The following PRDM11 variants were observed in gnomAD, a reference collection of about 807,000 sequenced individuals.
The protein encoded by PRDM11 is PR domain-containing protein 11.
A neutral mutation model predicts 97.8 loss-of-function variants in PRDM11; 20 were observed. The ratio of observed to expected loss-of-function variants is 0.20; its 90% CI spans 0.14 to 0.30. The LOEUF is 0.30. Ranked by LOEUF, PRDM11 falls within the 10% of genes least tolerant of loss-of-function variation. The pLI is 1.00. For synonymous variants in PRDM11, 599 were observed against 637.7 expected, an observed-to-expected ratio of 0.94 and a Z score of 0.91; for missense variants, 1,139 against 1,555.2, an observed-to-expected ratio of 0.73 and a Z score of 4.50.
intron 1 of PRDM11, chr11:45,147,693 ATGCTGGTGAAAAAT>A (rs778799998): frequency 2.6e-5 from 4 of 152,254 alleles, no homozygotes; most frequent in African/African-American, 4.8e-5. Flanking sequence ...GTCTTGGGCG[ATGCTGGTGAAAAAT>A]TGCTGGTGTG....
chr11:45,219,462 T>A lies in PRDM11; in HGVS notation c.555-108T>A. On this transcript the variant is annotated intron_variant, in intron 5 of 7. Coordinates refer to ENST00000683152, the MANE Select transcript of PRDM11 (RefSeq NM_001384648.1). This position sits in a 1 kb window ranked among gnomAD's most constrained non-coding sequence, Gnocchi z 4.2. ...CTGCTGATGTTCACATGGGCCCACG[T>A]GCCTGTGGACTTCTAACCATCCACA... The A allele has an allele frequency of 9.0e-7, 1 of 1,109,254 alleles. No homozygotes were observed. Among genetic ancestry groups the A allele is most frequent in the Non-Finnish European group, 1.3e-6 (1 of 778,520 alleles). The allele number at this position is 1,109,254 out of a possible 1,614,324, so 68.7% of individuals were successfully genotyped here.
intron 4 of PRDM11, among the ~76,000 whole-genome samples, chr11:45,204,174 G>A (rs1407937332): frequency 6.6e-6 from 1 of 152,208 alleles, no homozygotes; most frequent in African/African-American, 2.4e-5. Flanking sequence ...TCTGATTAAA[G>A]AGTGATGATG....
chr11:45,141,214 G>A (rs1221488098), intron 1 of PRDM11, among the ~76,000 whole-genome samples: 2 of 152,190 alleles, frequency 1.3e-5, no homozygotes, highest in Admixed American at 6.5e-5. Flanking sequence ...TGGTTTTAAT[G>A]TTGCAAGCAA....
chr11:45,222,319 C>T (rs1427011334), intron 6 of PRDM11, among the ~76,000 whole-genome samples: 1 of 152,148 alleles, frequency 6.6e-6, no homozygotes, highest in East Asian at 1.9e-4. Flanking sequence ...GAAATTTGAA[C>T]AACGTTGTTT....
intron 1 of PRDM11, among the ~76,000 whole-genome samples, chr11:45,128,517 G>A (rs899719745): frequency 2.5e-5 from 1 of 40,326 alleles, no homozygotes; most frequent in South Asian, 8.6e-4. Context: ...CCCTCCCCCC[G>A]CTGATATCAT....
chr11:45,102,476 G>A (rs758427021), intron 1 of PRDM11, among the ~76,000 whole-genome samples: 1 of 152,182 alleles, frequency 6.6e-6, no homozygotes, highest in Non-Finnish European at 1.5e-5. Context: ...ATGAGGGGAA[G>A]CACCCCAGCT....
chr11:45,224,560 G>A lies in PRDM11; in HGVS notation c.1086G>A (p.Glu362=), dbSNP rs776605907. The A allele has an allele frequency of 6.8e-6, 11 of 1,613,988 alleles. No homozygotes were observed. The South Asian group carries it at 9.9e-5, about 14-fold the overall frequency. ...AGAATATAGGCCAGACCCAGGGGGA[G>A]GGGGACTGGAAGGTCCCCCAGGGGG... ...GVQNIGQTQG[E]GDWKVPQGVS... Residue 362 remains glutamate (E), a synonymous_variant, in exon 7 of 8, where the codon GAG becomes GAA. Coordinates refer to ENST00000683152, the MANE Select transcript of PRDM11 (RefSeq NM_001384648.1).
rs575849510 is a variant in PRDM11, at chr11:45,177,965, G to A, written c.-6-3796G>A. The stretch of plus-strand genomic sequence containing the variant: ...TGCAAATCTTTTGTGTGGTGAAGGT[G>A]GGATGTGAGAGATAGGACATAAATG... On this transcript the variant is annotated intron_variant, in intron 1 of 7. Coordinates refer to ENST00000683152, the MANE Select transcript of PRDM11 (RefSeq NM_001384648.1). Among the ~76,000 whole-genome samples the A allele has an allele frequency of 8.5e-5, 13 of 152,210 alleles. No individual in the cohort carries two copies. In the South Asian group the frequency reaches 2.3e-3, roughly 27 times the overall value.
At chr11:45,119,815 G>A (rs1852390611) in intron 1 of PRDM11, among the ~76,000 whole-genome samples, 1 of 151,996 alleles carries the variant, frequency 6.6e-6, no homozygotes, top group Admixed American at 6.6e-5. Flanking sequence ...AGCCTCTATG[G>A]TCCTTCTATG....
At chr11:45,136,858 G>T (rs1406720798) in intron 1 of PRDM11, among the ~76,000 whole-genome samples, 1 of 151,978 alleles carries the variant, frequency 6.6e-6, no homozygotes, top group Non-Finnish European at 1.5e-5. Context: ...AAAAACAGAT[G>T]GGGGCCGGGC....
intron 4 of PRDM11, among the ~76,000 whole-genome samples, chr11:45,201,563 G>C (rs1440645411): frequency 6.6e-6 from 1 of 151,946 alleles, no homozygotes; most frequent in Non-Finnish European, 1.5e-5. Flanking sequence ...GCACAATCAT[G>C]GGTTACTGCA....
At position 45,098,039 on chromosome 11, in the gene PRDM11, C is replaced by T. The variant is rs141852385; in HGVS notation, c.96+2138C>T. Among the ~76,000 whole-genome samples the T allele has an allele frequency of 2.9e-3, 439 of 152,354 alleles. 1 individual carries two copies. The highest frequency in any genetic ancestry group is 0.01 in the African/African-American group (417 of 41,578). Reference sequence around the variant, plus strand: ...AGCAAATCCCTTCACTCCCCAACTACCATCTCAGAAGGAGGAATTAGTCAC... The same window carrying T: ...AGCAAATCCCTTCACTCCCCAACTATCATCTCAGAAGGAGGAATTAGTCAC... On this transcript the variant is annotated intron_variant, in intron 1 of 6. Transcript: ENST00000530656.
At chr11:45,121,441 A>C (rs1039096358) in intron 1 of PRDM11, among the ~76,000 whole-genome samples, 2 of 152,188 alleles carry the variant, frequency 1.3e-5, no homozygotes, top group Non-Finnish European at 2.9e-5. Flanking sequence ...CAAATATGCA[A>C]AGCAAAAGTA....
rs905376664 is a variant in PRDM11, at chr11:45,182,464, G to T, written c.223+115G>T. 6 of 953,656 alleles carry T rather than the reference G, an allele frequency of 6.3e-6. No individual in the cohort carries two copies. The African/African-American group carries it at 9.9e-5, about 16-fold the overall frequency. The allele number at this position is 953,656 out of a possible 1,614,324, so 59.1% of individuals were successfully genotyped here. A position where few individuals can be genotyped will look rare whatever the true frequency, so the allele number is the denominator to read the frequency against. ...TAGGTCCTCACCTGCAATATACCAG[G>T]CCCAGGTCCAGGCCTTGGTTCGTCA... is the stretch of plus-strand genomic sequence containing the variant. On this transcript the variant is annotated intron_variant, in intron 3 of 7. Coordinates refer to ENST00000683152, the MANE Select transcript of PRDM11 (RefSeq NM_001384648.1).
exon 1 of PRDM11, chr11:45,095,876 C>T (rs201627954): frequency 1.3e-6 from 1 of 780,934 alleles, no homozygotes; most frequent in East Asian, 2.4e-5. Context: ...AGATGCTCAC[C>T]TCTCTTCCTT....
intron 4 of PRDM11, among the ~76,000 whole-genome samples, chr11:45,197,734 A>G (rs1853177161): frequency 6.6e-6 from 1 of 152,174 alleles, no homozygotes; most frequent in South Asian, 2.1e-4. Flanking sequence ...ACATGGATGA[A>G]GTTGGAAACC....
At chr11:45,205,802 T>C (rs1467874004) in intron 5 of PRDM11, among the ~76,000 whole-genome samples, 7 of 152,160 alleles carry the variant, frequency 4.6e-5, no homozygotes, top group Non-Finnish European at 8.8e-5. Flanking sequence ...TCCCAGTGGC[T>C]CCACTGCCCA....
intron 1 of PRDM11, among the ~76,000 whole-genome samples, chr11:45,161,317 C>T (rs1397732588): frequency 1.3e-5 from 2 of 152,206 alleles, no homozygotes; most frequent in African/African-American, 2.4e-5. Context: ...GGGCAGTCTG[C>T]GTGGCTCCGG....
In PRDM11 at chr11:45,146,738, T is replaced by A. The variant is rs1025928944; in HGVS notation, c.-146T>A. ...CCGAGGCTGGCGCTGAAACTTTGCC[T>A]CGCCGGGGACCAGCGCGCCCGCAGC... On this transcript the variant is annotated 5_prime_UTR_variant, in exon 1 of 8. Coordinates refer to ENST00000683152, the MANE Select transcript of PRDM11 (RefSeq NM_001384648.1). 10 of 147,546 alleles carry A rather than the reference T, an allele frequency of 6.8e-5. No homozygotes were observed. Among genetic ancestry groups the A allele is most frequent in the African/African-American group, 2.5e-4 (10 of 40,494 alleles). The allele number at this position is 147,546 out of a possible 1,614,324, so 9.1% of individuals were successfully genotyped here. A position where few individuals can be genotyped will look rare whatever the true frequency, so the allele number is the denominator to read the frequency against.
Sources: allele counts gnomAD v4.1 joint callset (sites outside exome capture counted in the v4.1 genomes callset), GRCh38; gene constraint gnomAD v4.1.1; non-coding constraint Gnocchi (gnomAD v3.1); transcripts MANE v1.5; gene names NCBI Gene and HGNC (gene_info 2026-07-23, HGNC 2026-07-21).